CERKL: variants seen among roughly 807,000 people sequenced by gnomAD.
The protein encoded by CERKL is CERK like autophagy regulator.
CERKL carries 61 observed loss-of-function variants against 63.4 expected under a neutral mutation model. The observed-to-expected ratio is 0.96, with a 90% CI of 0.78 to 1.19. CERKL has a LOEUF of 1.19. Among genes scored for constraint, CERKL ranks in the 50% most tolerant of loss-of-function variants. The pLI is 0.00. For missense variants in CERKL, 675 were observed against 655.5 expected (o/e 1.03, Z -0.33); for synonymous variants, 250 against 230.5 (o/e 1.08, Z -0.77).
intron 2 of CERKL, among the ~76,000 whole-genome samples, chr2:181,597,139 C>T (rs1028097333): frequency 6.6e-6 from 1 of 152,100 alleles, no homozygotes; most frequent in Non-Finnish European, 1.5e-5. Flanking sequence ...AGAAAGGGTT[C>T]AAATCTCAAA....
intron 1 of CERKL, chr2:181,649,656 G>C (rs1025545458): frequency 3.9e-5 from 6 of 152,174 alleles, no homozygotes; most frequent in African/African-American, 1.4e-4. Context: ...GAGATCACAT[G>C]TTAGGCCACA....
At chr2:181,615,535 G>C (rs1574501174) in intron 1 of CERKL, among the ~76,000 whole-genome samples, 1 of 152,214 alleles carries the variant, frequency 6.6e-6, no homozygotes, top group Non-Finnish European at 1.5e-5. Flanking sequence ...CTGAAAAACA[G>C]GCCTGCCTGA....
chr2:181,537,825 T>G lies in CERKL; in HGVS notation c.*359A>C. ...TTTTAAAGCCCTAGAGGCTAATTGTTAGTAACATCAATTTCTATTAGGATA... is the reference window on the plus strand; with the variant it reads ...TTTTAAAGCCCTAGAGGCTAATTGTGAGTAACATCAATTTCTATTAGGATA... On this transcript the variant is annotated 3_prime_UTR_variant, in exon 13 of 13. Transcript: ENST00000410087. 1 of 480,340 alleles carries G rather than the reference T, an allele frequency of 2.1e-6. No individual in the cohort carries two copies. The highest frequency in any genetic ancestry group is 1.5e-5 in the South Asian group (1 of 64,620). The allele number at this position is 480,340 out of a possible 1,614,324, so 29.8% of individuals were successfully genotyped here.
intron 6 of CERKL, among the ~76,000 whole-genome samples, chr2:181,549,209 G>A (rs985236478): frequency 6.6e-6 from 1 of 152,112 alleles, no homozygotes; most frequent in Non-Finnish European, 1.5e-5. Context: ...TACCAATAGG[G>A]ATAATAAAAT....
At chr2:181,627,005 A>G (rs1686735788) in intron 1 of CERKL, among the ~76,000 whole-genome samples, 1 of 152,254 alleles carries the variant, frequency 6.6e-6, no homozygotes, top group South Asian at 2.1e-4. Context: ...TGCCCCTAGT[A>G]GTCTGAAGAT....
Position 181,547,818 on chromosome 2 carries a change from T to A in CERKL, c.1159+4A>T. On this transcript the variant is annotated splice_donor_region_variant and intron_variant, in intron 9 of 12. Coordinates refer to ENST00000410087, the MANE Select transcript of CERKL (RefSeq NM_201548.5). ...AGTTCTCAAGGAGATACTTTTCGAC[T>A]CACCAGATTTGGGAGATCCCTGTGC... The A allele has an allele frequency of 1.2e-6, 2 of 1,613,978 alleles. No individual in the cohort carries two copies. Among genetic ancestry groups the A allele is most frequent in the Non-Finnish European group, 1.7e-6 (2 of 1,179,984 alleles).
At chr2:181,592,905 G>A (rs1308655266) in intron 2 of CERKL, among the ~76,000 whole-genome samples, 1 of 152,042 alleles carries the variant, frequency 6.6e-6, no homozygotes, top group Admixed American at 6.6e-5. Flanking sequence ...TTAGTATAAT[G>A]GCAATCTCTC....
At chr2:181,641,322 T>TATATATGTGTATGC in intron 1 of CERKL, among the ~76,000 whole-genome samples, 1 of 40,126 alleles carries the variant, frequency 2.5e-5, no homozygotes, top group South Asian at 2.9e-3. Context: ...TATATATATA[T>TATATATGTGTATGC]ATATATATAT....
chr2:181,650,393 C>A (rs1369651092), intron 1 of CERKL, among the ~76,000 whole-genome samples: 4 of 152,044 alleles, frequency 2.6e-5, no homozygotes, highest in Admixed American at 6.5e-5. Flanking sequence ...GTATTAAATG[C>A]CCATATCAAA....
chr2:181,538,499 TCTAGAACAC>T (rs1687317759), intron 12 of CERKL, among the ~76,000 whole-genome samples: 6 of 25,306 alleles, frequency 2.4e-4, no homozygotes, highest in African/African-American at 1.1e-3. Context: ...CAGTTATGCC[TCTAGAACAC>T]CCATGTCTAG....
At position 181,548,583 on chromosome 2, in the gene CERKL, T is replaced by C; in HGVS notation, c.1095A>G (p.Ser365=). 1.2e-6 allele frequency: 2 copies of C among 1,613,104 alleles called. No homozygotes were observed. The highest frequency in any genetic ancestry group is 1.1e-5 in the South Asian group (1 of 91,058). ...AKLKAEDCEI[S]FLPFNSSDDV... is the part of the protein sequence containing the mutation. ...CATCAGAGCTGTTAAATGGTAAAAA[T>C]GATATTTCACAGTCTTCTGCCCTAA... Residue 365 remains serine (S), a synonymous_variant, in exon 8 of 13, where the codon TCA becomes TCG. Coordinates refer to ENST00000410087, the MANE Select transcript of CERKL (RefSeq NM_201548.5).
At chr2:181,613,010 A>T (rs1686037091) in intron 1 of CERKL, among the ~76,000 whole-genome samples, 1 of 152,194 alleles carries the variant, frequency 6.6e-6, no homozygotes, top group Non-Finnish European at 1.5e-5. Flanking sequence ...GTGTGTTGTA[A>T]GAACATTTAA....
chr2:181,577,188 G>C (rs1361194513), intron 2 of CERKL, among the ~76,000 whole-genome samples: 3 of 152,136 alleles, frequency 2.0e-5, no homozygotes, highest in Non-Finnish European at 4.4e-5. Flanking sequence ...ACCAAAAACT[G>C]AAAGAATAGC....
chr2:181,539,018 A>C (rs748768337), intron 12 of CERKL, 74 bp downstream of exon 12: 26 of 1,117,366 alleles, frequency 2.3e-5, no homozygotes, highest in Non-Finnish European at 3.6e-5. Flanking sequence ...GATAGTTCAG[A>C]GAAGAGAGCT....
intron 10 of CERKL, among the ~76,000 whole-genome samples, chr2:181,547,129 C>G (rs1312489569): frequency 6.6e-6 from 1 of 152,000 alleles, no homozygotes; most frequent in Non-Finnish European, 1.5e-5. Flanking sequence ...TCCCCAGCAA[C>G]GTGGAACTGT....
chr2:181,573,787 C>G lies in CERKL; in HGVS notation c.579G>C (p.Leu193=), dbSNP rs1173215804. Residue 193 remains leucine, a synonymous_variant, in exon 3 of 13, where the codon CTG becomes CTC. Transcript: ENST00000410087. ...TQVYYEKVEP[L]LKLAGIKTDV... Reference sequence around the variant, plus strand: ...CAGTTTTTATTCCTGCAAGCTTCAACAGAGGTTCAACCTTCTCATAATAAA... The same window carrying G: ...CAGTTTTTATTCCTGCAAGCTTCAAGAGAGGTTCAACCTTCTCATAATAAA... 6.2e-7 allele frequency: 1 copy of G among 1,612,696 alleles called. No individual in the cohort carries two copies. Among genetic ancestry groups the G allele is most frequent in the Admixed American group, 1.7e-5 (1 of 59,968 alleles).
chr2:181,554,086 A>G (rs1419582316), intron 5 of CERKL, among the ~76,000 whole-genome samples: 1 of 151,884 alleles, frequency 6.6e-6, no homozygotes, highest in African/African-American at 2.4e-5. Context: ...AAAATGTTCC[A>G]AATACAAAAA....
intron 1 of CERKL, among the ~76,000 whole-genome samples, chr2:181,612,802 A>G (rs1293512847): frequency 1.3e-5 from 2 of 152,026 alleles, no homozygotes; most frequent in East Asian, 3.8e-4. Context: ...AATCATATAT[A>G]TTTATGTATA....
At chr2:181,572,356 G>A (rs923168759) in intron 3 of CERKL, among the ~76,000 whole-genome samples, 7 of 152,040 alleles carry the variant, frequency 4.6e-5, no homozygotes, top group East Asian at 1.9e-4. Context: ...TATTCATCTC[G>A]CATCCTGCAC....
Sources: gnomAD v4.1 joint callset for allele counts (sites outside exome capture counted in the v4.1 genomes callset) on GRCh38, gnomAD v4.1.1 for gene constraint, MANE v1.5 for transcripts, NCBI Gene and HGNC (gene_info 2026-07-23, HGNC 2026-07-21) for gene names.